Variants in THRB observed in about 807,000 individuals in gnomAD.
THRB encodes the protein thyroid hormone receptor beta.
In THRB, 12 loss-of-function variants were observed where a neutral mutation model predicts 47.8. That is an observed-to-expected ratio of 0.25 (90% CI 0.16 to 0.41). The LOEUF is 0.41. Among genes scored for constraint, THRB ranks in the 10% least tolerant of loss-of-function variants. THRB has a pLI of 1.00. For synonymous variants in THRB, 218 were observed against 212.2 expected, an observed-to-expected ratio of 1.03 and a Z score of -0.24; for missense variants, 348 against 589.2, an observed-to-expected ratio of 0.59 and a Z score of 4.24.
chr3:24,196,317 G>C (rs1274415618), intron 4 of THRB, among the ~76,000 whole-genome samples: 2 of 152,142 alleles, frequency 1.3e-5, no homozygotes, highest in African/African-American at 2.4e-5. Context: ...AGCCTCGTGA[G>C]AGGTGGTCAT....
chr3:24,165,571 C>T, intron 5 of THRB: 1 of 510,356 alleles, frequency 2.0e-6, no homozygotes, highest in Non-Finnish European at 3.5e-6. Flanking sequence ...CCTATTTAGA[C>T]CGAGGTGTCT....
intron 5 of THRB, among the ~76,000 whole-genome samples, chr3:24,157,598 T>C (rs1449728605): frequency 6.6e-6 from 1 of 152,158 alleles, no homozygotes; most frequent in Non-Finnish European, 1.5e-5. Flanking sequence ...GGCATGACCA[T>C]GGCTCACTGG....
rs530857501 is a variant in THRB, at chr3:24,354,278, C to T, written c.-260-16907G>A. On this transcript the variant is annotated intron_variant, in intron 1 of 10. Coordinates refer to ENST00000646209, the MANE Select transcript of THRB (RefSeq NM_001354712.2). Reference sequence around the variant, plus strand: ...GAAAAAATAACTAATGAGTAGTAGGCTTAATACCTGGGTGATGAAATAATC... The same window carrying T: ...GAAAAAATAACTAATGAGTAGTAGGTTTAATACCTGGGTGATGAAATAATC... 1.2e-4 allele frequency among the ~76,000 whole-genome samples: 18 copies of T among 152,142 alleles called. No homozygotes were observed. The East Asian group carries it at 3.5e-3, about 29-fold the overall frequency.
intron 4 of THRB, among the ~76,000 whole-genome samples, chr3:24,219,220 G>A (rs1003912452): frequency 6.6e-6 from 1 of 152,174 alleles, no homozygotes; most frequent in Non-Finnish European, 1.5e-5. Context: ...TCCTTGGGAG[G>A]AGGAGGTCAC....
At position 24,253,085 on chromosome 3, in the gene THRB, G is replaced by C. The variant is rs116561082; in HGVS notation, c.-42-24084C>G. Among the ~76,000 whole-genome samples the C allele has an allele frequency of 6.2e-3, 945 of 152,226 alleles. 19 individuals carry two copies. Among genetic ancestry groups the C allele is most frequent in the African/African-American group, 0.021 (889 of 41,542 alleles). On this transcript the variant is annotated intron_variant, in intron 3 of 10. Transcript: ENST00000646209. ...TACAAATAAAGGTGGGGGAAAGAAAGAAAGGTAGAAAAATTTGAGGTAACA... is the reference window on the plus strand; with the variant it reads ...TACAAATAAAGGTGGGGGAAAGAAACAAAGGTAGAAAAATTTGAGGTAACA...
At chr3:24,365,903 T>A (rs1577116441) in intron 1 of THRB, among the ~76,000 whole-genome samples, 1 of 152,158 alleles carries the variant, frequency 6.6e-6, no homozygotes, top group East Asian at 1.9e-4. Context: ...GTCAAAGCAA[T>A]GTAAAAGAAA....
At chr3:24,352,377 T>C (rs2063410823) in intron 1 of THRB, among the ~76,000 whole-genome samples, 1 of 152,156 alleles carries the variant, frequency 6.6e-6, no homozygotes, top group Non-Finnish European at 1.5e-5. Context: ...AGTTCAGTAA[T>C]GCTGTCCCTA....
At chr3:24,311,284 C>T (rs761178924) in intron 2 of THRB, among the ~76,000 whole-genome samples, 10 of 152,108 alleles carry the variant, frequency 6.6e-5, no homozygotes, top group African/African-American at 9.7e-5. Context: ...AAAGGCTTTG[C>T]AGTTAACTAG....
At chr3:24,234,037 G>A (rs2048618317) in intron 3 of THRB, among the ~76,000 whole-genome samples, 1 of 152,224 alleles carries the variant, frequency 6.6e-6, no homozygotes, top group Non-Finnish European at 1.5e-5. Context: ...AGCAGGCGCT[G>A]TGTGTATGAA....
intron 1 of THRB, among the ~76,000 whole-genome samples, chr3:24,439,297 C>T (rs2071293290): frequency 6.6e-6 from 1 of 152,040 alleles, no homozygotes; most frequent in South Asian, 2.1e-4. Context: ...GGGGACTAGC[C>T]CTGTTAAGGG....
intron 2 of THRB, among the ~76,000 whole-genome samples, chr3:24,322,254 G>A (rs2058534952): frequency 6.6e-6 from 1 of 152,056 alleles, no homozygotes; most frequent in Admixed American, 6.6e-5. Flanking sequence ...CACTTAGCCA[G>A]GAAAATAAAC....
At chr3:24,472,508 C>T (rs1416931682) in intron 1 of THRB, among the ~76,000 whole-genome samples, 1 of 152,318 alleles carries the variant, frequency 6.6e-6, no homozygotes, top group African/African-American at 2.4e-5. Context: ...GTGCAAGGGG[C>T]TTTTACACAA....
Position 24,259,487 on chromosome 3 carries a change from C to T in THRB, c.-42-30486G>A, listed in dbSNP as rs550011322. Reference sequence around the variant, plus strand: ...CTGCTTTGACGAGAGAGGAACACACCGCCTTAAGACTCCTGGGAGCATACG... The same window carrying T: ...CTGCTTTGACGAGAGAGGAACACACTGCCTTAAGACTCCTGGGAGCATACG... On this transcript the variant is annotated intron_variant, in intron 3 of 10. Transcript: ENST00000646209. 2.6e-4 allele frequency among the ~76,000 whole-genome samples: 39 copies of T among 152,216 alleles called. 1 individual carries two copies. In the South Asian group the frequency reaches 6.2e-3, roughly 24 times the overall value.
chr3:24,388,232 C>G (rs192021033), intron 1 of THRB, among the ~76,000 whole-genome samples: 1 of 152,246 alleles, frequency 6.6e-6, no homozygotes, highest in African/African-American at 2.4e-5. Context: ...CTTGGAACAA[C>G]TCTGAAGGGC....
chr3:24,456,961 T>C (rs572668630), intron 1 of THRB, among the ~76,000 whole-genome samples: 15 of 152,192 alleles, frequency 9.9e-5, no homozygotes, highest in African/African-American at 3.6e-4. Context: ...ATTGTAAGGT[T>C]TGGGGCTTTT....
At chr3:24,222,403 A>C (rs1576047468) in intron 4 of THRB, among the ~76,000 whole-genome samples, 1 of 152,140 alleles carries the variant, frequency 6.6e-6, no homozygotes, top group Non-Finnish European at 1.5e-5. Context: ...ACAGTCTTGA[A>C]GGTGGAGGTA....
intron 2 of THRB, among the ~76,000 whole-genome samples, chr3:24,331,139 T>C (rs1460730390): frequency 3.3e-5 from 5 of 152,158 alleles, no homozygotes; most frequent in Admixed American, 3.3e-4. Context: ...CATTACCTGC[T>C]GTCTTATGGC....
chr3:24,450,644 T>C lies in THRB; in HGVS notation c.-261+44008A>G, dbSNP rs1179623605. Among the ~76,000 whole-genome samples, 3 of 152,234 alleles carry C rather than the reference T, an allele frequency of 2.0e-5. No individual in the cohort carries two copies. The East Asian group carries it at 5.8e-4, about 29-fold the overall frequency. ...TTTGTAATAAAGAACTTCATTCTGC[T>C]GTACAAATTAAACCAGGTGTAGGTA... On this transcript the variant is annotated intron_variant, in intron 1 of 10. Transcript: ENST00000646209.
rs202037130 is a variant in THRB at position 24,323,831 on chromosome 3, C to A, written c.-189+13469G>T. Reference sequence around the variant, plus strand: ...ATCTTGAAATAAAGCAATCAGTGGACCAAACTTACTATCTAATAGTTCTTT... The same window carrying A: ...ATCTTGAAATAAAGCAATCAGTGGAACAAACTTACTATCTAATAGTTCTTT... On this transcript the variant is annotated intron_variant, in intron 2 of 10. Transcript: ENST00000646209. 4.6e-5 allele frequency among the ~76,000 whole-genome samples: 7 copies of A among 152,290 alleles called. No homozygotes were observed. The East Asian group carries it at 1.3e-3, about 29-fold the overall frequency.
Sources: allele counts gnomAD v4.1 joint callset (sites outside exome capture counted in the v4.1 genomes callset), GRCh38; gene constraint gnomAD v4.1.1; transcripts MANE v1.5; gene names NCBI Gene and HGNC (gene_info 2026-07-23, HGNC 2026-07-21).